Variants in GGA2 observed in about 807,000 individuals in gnomAD.
GGA2 encodes the protein ADP-ribosylation factor-binding protein GGA2.
GGA2 carries 48 observed loss-of-function variants against 79.5 expected under a neutral mutation model. That is an observed-to-expected ratio of 0.60 (90% CI 0.48 to 0.77). The LOEUF is 0.77. Among genes scored for constraint, GGA2 ranks in the 30% least tolerant of loss-of-function variants. The pLI, the probability that GGA2 is intolerant of heterozygous loss-of-function variation, is 0.00. For synonymous variants in GGA2, 317 were observed against 302.0 expected (o/e 1.05, Z -0.51); for missense variants, 770 against 774.0 (o/e 0.99, Z 0.06).
intron 10 of GGA2, 173 bp downstream of exon 10, chr16:23,480,472 G>C: frequency 1.7e-6 from 1 of 586,250 alleles, no homozygotes; most frequent in Non-Finnish European, 2.9e-6. Context: ...ACCAGCTCAT[G>C]ACAATTCCTA....
chr16:23,470,201 A>G (rs778316601), intron 14 of GGA2, 36 bp from the exon 15 acceptor site: 1 of 1,510,364 alleles, frequency 6.6e-7, no homozygotes, highest in East Asian at 2.3e-5. Context: ...GTTTAACACC[A>G]CTACAAACCC....
At chr16:23,469,260 C>G in intron 15 of GGA2, 1 of 377,084 alleles carries the variant, frequency 2.7e-6, no homozygotes. Context: ...GCAGCATCAA[C>G]AGCCAGGGCA....
chr16:23,478,939 C>T (rs765445708), intron 11 of GGA2, 28 bp from the exon 12 acceptor site: 6 of 1,493,692 alleles, frequency 4.0e-6, no homozygotes, highest in Non-Finnish European at 5.6e-6. Context: ...AGTGAGATGC[C>T]TAACAGTAAC....
intron 1 of GGA2, among the ~76,000 whole-genome samples, chr16:23,504,435 T>C (rs1435114758): frequency 6.6e-6 from 1 of 152,254 alleles, no homozygotes; most frequent in East Asian, 1.9e-4. Flanking sequence ...AGGTATCTAC[T>C]GAATGAACGA....
intron 2 of GGA2, among the ~76,000 whole-genome samples, chr16:23,518,572 C>A (rs575520936): frequency 6.6e-6 from 1 of 152,340 alleles, no homozygotes; most frequent in Non-Finnish European, 1.5e-5. Flanking sequence ...CCAGCCTTCA[C>A]TTCCAAGCTT....
At chr16:23,492,537 T>G (rs1567366047) in intron 4 of GGA2, among the ~76,000 whole-genome samples, 1 of 152,132 alleles carries the variant, frequency 6.6e-6, no homozygotes, top group Non-Finnish European at 1.5e-5. Flanking sequence ...AGCCTCTCAG[T>G]TGAACCTACG....
At chr16:23,499,176 G>A (rs182100228) in intron 1 of GGA2, among the ~76,000 whole-genome samples, 2 of 139,224 alleles carry the variant, frequency 1.4e-5, no homozygotes, top group African/African-American at 5.4e-5. Flanking sequence ...ATGGAGTCTC[G>A]CTCTGTCACC....
At chr16:23,492,003 A>G (rs970092111) in intron 4 of GGA2, among the ~76,000 whole-genome samples, 1 of 152,178 alleles carries the variant, frequency 6.6e-6, no homozygotes, top group Non-Finnish European at 1.5e-5. Flanking sequence ...GGCAATACTC[A>G]CACTAAACCC....
At chr16:23,523,493 TAAGACAAGAGTGCTTACCCTTGGC>T (rs1275835953), upstream of GGA2, 1 of 152,190 alleles carries the variant, frequency 6.6e-6, no homozygotes, top group Non-Finnish European at 1.5e-5. Flanking sequence ...AAGGGTAGCA[TAAGACAAGAGTGCTTACCCTTGGC>T]AGTGGAGTCA....
At chr16:23,519,154 C>A (rs1597001901) in intron 2 of GGA2, among the ~76,000 whole-genome samples, 1 of 151,778 alleles carries the variant, frequency 6.6e-6, no homozygotes, top group African/African-American at 2.4e-5. Flanking sequence ...GTGATCCTCC[C>A]ACCTCAGCCA....
chr16:23,492,326 C>A (rs754515984), intron 4 of GGA2, among the ~76,000 whole-genome samples: 1 of 152,170 alleles, frequency 6.6e-6, no homozygotes, highest in African/African-American at 2.4e-5. Flanking sequence ...CCGGTGCCCC[C>A]ACATCCCCCC....
In GGA2 at chr16:23,480,783, G is replaced by C. The variant is rs781719994; in HGVS notation, c.881-13C>G. 6.2e-7 allele frequency: 1 copy of C among 1,603,106 alleles called. No homozygotes were observed. The highest frequency in any genetic ancestry group is 8.5e-7 in the Non-Finnish European group (1 of 1,170,766). On this transcript the variant is annotated splice_polypyrimidine_tract_variant and intron_variant, in intron 9 of 16. Transcript: ENST00000309859. ...TGGAGAATTTCCGCTGAAGAATGAG[G>C]GAAGACTCAGAACCCCCTGGTTTGG...
chr16:23,498,694 G>A (rs1410255695), intron 1 of GGA2, among the ~76,000 whole-genome samples: 1 of 152,170 alleles, frequency 6.6e-6, no homozygotes, highest in Admixed American at 6.5e-5. Flanking sequence ...AAGGATAATT[G>A]TTTATTATTA....
intron 1 of GGA2, among the ~76,000 whole-genome samples, chr16:23,506,057 C>A (rs920178164): frequency 6.6e-6 from 1 of 152,072 alleles, no homozygotes; most frequent in Non-Finnish European, 1.5e-5. Context: ...ATTTTAAGTG[C>A]TTTCTGTGTA....
At chr16:23,471,265 C>G (rs900158786) in intron 14 of GGA2, among the ~76,000 whole-genome samples, 2 of 152,122 alleles carry the variant, frequency 1.3e-5, no homozygotes, top group African/African-American at 2.4e-5. Context: ...TTGTACAAAA[C>G]TGTAGATACC....
intron 9 of GGA2, among the ~76,000 whole-genome samples, chr16:23,481,892 T>G (rs1030557072): frequency 1.3e-5 from 2 of 152,244 alleles, no homozygotes; most frequent in African/African-American, 4.8e-5. Context: ...GAACAATTTT[T>G]TTTTTTTAAG....
At chr16:23,508,121 G>A (rs1303874070) in intron 1 of GGA2, among the ~76,000 whole-genome samples, 4 of 150,794 alleles carry the variant, frequency 2.7e-5, no homozygotes, top group Admixed American at 6.6e-5. Flanking sequence ...GGAGTGCAGC[G>A]GTGCAATCTT....
chr16:23,494,333 C>A lies in GGA2; in HGVS notation c.222G>T (p.Pro74=). The A allele has an allele frequency of 5.0e-6, 8 of 1,612,680 alleles. No individual in the cohort carries two copies. The highest frequency in any genetic ancestry group is 6.8e-6 in the Non-Finnish European group (8 of 1,178,642). The change falls in exon 3 of 17, where the codon CCG becomes CCT. Residue 74 remains proline (P), a synonymous_variant. Transcript: ENST00000309859. ...AGGCATAAAGAGCTTCCTTCTCTTG[C>A]GGAGACTGGATCTTGTGGGCCAGTA... ...PWLLAHKIQS[P]QEKEALYALT... is the part of the protein sequence containing the mutation.
At chr16:23,510,230 C>T in intron 1 of GGA2, 91 bp downstream of exon 1, 1 of 817,572 alleles carries the variant, frequency 1.2e-6, no homozygotes, top group Non-Finnish European at 1.7e-6. Context: ...TCCCCTGCGG[C>T]CGCCCGCCCC....
Sources: gnomAD v4.1 joint callset for allele counts (sites outside exome capture counted in the v4.1 genomes callset) on GRCh38, gnomAD v4.1.1 for gene constraint, MANE v1.5 for transcripts, NCBI Gene and HGNC (gene_info 2026-07-23, HGNC 2026-07-21) for gene names.